GPC5: variants seen among roughly 807,000 people sequenced by gnomAD.
GPC5 encodes the protein glypican 5.
Under a neutral mutation model 53.9 loss-of-function variants are expected in GPC5, and 47 were observed. The ratio of observed to expected loss-of-function variants is 0.87; its 90% confidence interval spans 0.69 to 1.11. The LOEUF is 1.11. Ranked by LOEUF, GPC5 falls within the 50% of genes most tolerant of loss-of-function variation. The probability of loss-of-function intolerance (pLI) is 0.00; values close to 1 mark genes in which losing one functional copy is unlikely to be tolerated. For missense variants in GPC5, 748 were observed against 713.1 expected, an observed-to-expected ratio of 1.05 and a Z score of -0.56; for synonymous variants, 286 against 263.3, an observed-to-expected ratio of 1.09 and a Z score of -0.84.
At chr13:92,478,446 C>G (rs1879230264) in intron 7 of GPC5, among the ~76,000 whole-genome samples, 1 of 152,076 alleles carries the variant, frequency 6.6e-6, no homozygotes, top group Non-Finnish European at 1.5e-5. Flanking sequence ...TAAACAATAA[C>G]TATTTGATGG....
intron 7 of GPC5, among the ~76,000 whole-genome samples, chr13:92,838,202 C>T (rs958918084): frequency 6.6e-6 from 1 of 151,004 alleles, no homozygotes; most frequent in Non-Finnish European, 1.5e-5. Flanking sequence ...TAAACCTACT[C>T]GGCCAGGCAC....
chr13:92,510,185 T>A (rs1301357622), intron 7 of GPC5: 1 of 136,780 alleles, frequency 7.3e-6, no homozygotes, highest in African/African-American at 2.6e-5. Context: ...AAACATAATG[T>A]TTTTTCCTCT....
At chr13:91,947,002 A>G (rs2039980574) in intron 6 of GPC5, among the ~76,000 whole-genome samples, 4 of 152,154 alleles carry the variant, frequency 2.6e-5, no homozygotes, top group Admixed American at 2.6e-4. Context: ...TTCAACACAT[A>G]CCTGGAGGTT....
rs1254785049 is a variant in GPC5, at chr13:92,382,926, C to G, written c.1561+237937C>G. On this transcript the variant is annotated intron_variant, in intron 7 of 7. Coordinates refer to ENST00000377067, the MANE Select transcript of GPC5 (RefSeq NM_004466.6). ...GCTGAGGCAGGAGAATAGCGCGAAC[C>G]CGGGAGGCGGAGCTTGCAGTGAGCC... 2.0e-5 allele frequency among the ~76,000 whole-genome samples: 3 copies of G among 150,752 alleles called. No individual in the cohort carries two copies. In the Admixed American group the frequency reaches 2.0e-4, roughly 10 times the overall value.
chr13:91,913,683 G>A (rs1341372030), intron 6 of GPC5, among the ~76,000 whole-genome samples: 2 of 152,120 alleles, frequency 1.3e-5, no homozygotes, highest in Admixed American at 6.6e-5. Context: ...CGACAGAGGG[G>A]AGTCATGCAC....
intron 7 of GPC5, among the ~76,000 whole-genome samples, chr13:92,344,232 G>C (rs9589511): frequency 0.3 from 44,893 of 151,950 alleles, 6,837 homozygotes; most frequent in South Asian, 0.41. Context: ...GGAGGAAGGA[G>C]AAATGCCAAG....
chr13:92,123,803 A>G (rs954928200), intron 6 of GPC5, among the ~76,000 whole-genome samples: 1 of 151,416 alleles, frequency 6.6e-6, no homozygotes, highest in African/African-American at 2.4e-5. Context: ...CATAAGAAAC[A>G]GATATTAAAA....
intron 7 of GPC5, among the ~76,000 whole-genome samples, chr13:92,293,007 T>C (rs2139186358): frequency 6.6e-6 from 1 of 152,300 alleles, no homozygotes; most frequent in African/African-American, 2.4e-5. Flanking sequence ...GGTGGTCTGT[T>C]CTGTTTCACT....
chr13:91,455,096 G>A (rs993542824), intron 2 of GPC5, among the ~76,000 whole-genome samples: 5 of 151,930 alleles, frequency 3.3e-5, no homozygotes, highest in South Asian at 2.1e-4. Flanking sequence ...ATAAATATGT[G>A]ACGTTTATTC....
chr13:92,616,987 G>A (rs764015868), intron 7 of GPC5, among the ~76,000 whole-genome samples: 3 of 151,940 alleles, frequency 2.0e-5, no homozygotes, highest in South Asian at 2.1e-4. Flanking sequence ...ATACACTGAT[G>A]TTTCATTATA....
At chr13:92,311,095 T>A (rs1382702631) in intron 7 of GPC5, among the ~76,000 whole-genome samples, 1 of 152,176 alleles carries the variant, frequency 6.6e-6, no homozygotes, top group African/African-American at 2.4e-5. Flanking sequence ...TTATATCTTT[T>A]ATGGAAAAAC....
chr13:91,745,964 A>C (rs986398333), intron 4 of GPC5, among the ~76,000 whole-genome samples: 7 of 152,198 alleles, frequency 4.6e-5, no homozygotes, highest in Admixed American at 4.6e-4. Flanking sequence ...TATTAGAATG[A>C]AAATCTAATT....
At chr13:91,473,314 C>T (rs1378712713) in intron 2 of GPC5, among the ~76,000 whole-genome samples, 1 of 151,886 alleles carries the variant, frequency 6.6e-6, no homozygotes, top group Non-Finnish European at 1.5e-5. Flanking sequence ...ATATCAAGGC[C>T]CTGTTCCCAT....
At chr13:92,286,281 G>A (rs1218700885) in intron 7 of GPC5, among the ~76,000 whole-genome samples, 1 of 152,156 alleles carries the variant, frequency 6.6e-6, no homozygotes, top group Non-Finnish European at 1.5e-5. Flanking sequence ...CTTTTACACT[G>A]TTGGTGGGAT....
intron 6 of GPC5, among the ~76,000 whole-genome samples, chr13:92,069,539 GTTATATTTCTTTCT>G (rs1293103685): frequency 6.6e-6 from 1 of 151,544 alleles, no homozygotes; most frequent in East Asian, 1.9e-4. Context: ...TATAGAGATA[GTTATATTTCTTTCT>G]TTTTAATCTT....
chr13:92,635,287 C>T (rs1270644497), intron 7 of GPC5, among the ~76,000 whole-genome samples: 1 of 152,068 alleles, frequency 6.6e-6, no homozygotes, highest in Non-Finnish European at 1.5e-5. Flanking sequence ...CTGTCTCAGC[C>T]CATGTTATGC....
chr13:91,681,016 G>A (rs940609407), intron 2 of GPC5, among the ~76,000 whole-genome samples: 10 of 151,788 alleles, frequency 6.6e-5, no homozygotes, highest in South Asian at 2.1e-4. Flanking sequence ...TAATACATAC[G>A]AATAATATGT....
At chr13:92,271,142 A>G (rs1232498207) in intron 7 of GPC5, among the ~76,000 whole-genome samples, 1 of 152,158 alleles carries the variant, frequency 6.6e-6, no homozygotes, top group Non-Finnish European at 1.5e-5. Flanking sequence ...GCTGTGAGAT[A>G]AGTATGTGAT....
intron 6 of GPC5, among the ~76,000 whole-genome samples, chr13:92,105,115 G>GA (rs887664914): frequency 2.0e-4 from 30 of 151,160 alleles, no homozygotes; most frequent in African/African-American, 4.1e-4. Flanking sequence ...TTCCTGCAAG[G>GA]AAAAAAAATG....
Sources: gnomAD v4.1 joint callset for allele counts (sites outside exome capture counted in the v4.1 genomes callset) on GRCh38, gnomAD v4.1.1 for gene constraint, MANE v1.5 for transcripts, NCBI Gene and HGNC (gene_info 2026-07-23, HGNC 2026-07-21) for gene names.